STXBP5: variants seen among roughly 807,000 people sequenced by gnomAD.
The protein encoded by STXBP5 is syntaxin binding protein 5, also known as syntaxin-binding protein 5.
In STXBP5, 50 loss-of-function variants were observed where a neutral mutation model predicts 152.4. The ratio of observed to expected loss-of-function variants is 0.33; its 90% confidence interval spans 0.26 to 0.42. The LOEUF is 0.42. Among genes scored for constraint, STXBP5 ranks in the 10% least tolerant of loss-of-function variants. The pLI is 1.00. For synonymous variants in STXBP5, 492 were observed against 494.7 expected (o/e 0.99, Z 0.07); for missense variants, 1,167 against 1,388.6 (o/e 0.84, Z 2.54).
At chr6:147,333,684 G>A (rs1783693087) in intron 18 of STXBP5, among the ~76,000 whole-genome samples, 1 of 152,156 alleles carries the variant, frequency 6.6e-6, no homozygotes, top group Non-Finnish European at 1.5e-5. Flanking sequence ...GTGACTGTTG[G>A]AAATGTGACA....
At chr6:147,340,163 T>G (rs1170242948) in intron 21 of STXBP5, among the ~76,000 whole-genome samples, 1 of 152,034 alleles carries the variant, frequency 6.6e-6, no homozygotes, top group Non-Finnish European at 1.5e-5. Context: ...TCCCAAAACC[T>G]CTATCACATA....
intron 8 of STXBP5, among the ~76,000 whole-genome samples, chr6:147,281,304 C>T (rs113077731): frequency 5.3e-5 from 8 of 152,102 alleles, no homozygotes; most frequent in African/African-American, 1.2e-4. Flanking sequence ...GTGATCCACC[C>T]GCCTCAGCCT....
chr6:147,359,875 G>A (rs530579942), intron 23 of STXBP5, among the ~76,000 whole-genome samples: 1 of 151,860 alleles, frequency 6.6e-6, no homozygotes, highest in Non-Finnish European at 1.5e-5. Flanking sequence ...GGACATTTGG[G>A]TTGGTTCCAG....
At chr6:147,230,623 AACATTT>A (rs1490602087) in intron 2 of STXBP5, among the ~76,000 whole-genome samples, 1 of 151,770 alleles carries the variant, frequency 6.6e-6, no homozygotes, top group East Asian at 1.9e-4. Flanking sequence ...AGCAGGAAAT[AACATTT>A]ACATGTGAAA....
intron 21 of STXBP5, among the ~76,000 whole-genome samples, chr6:147,341,377 A>G (rs1430491762): frequency 1.3e-5 from 2 of 152,196 alleles, no homozygotes; most frequent in African/African-American, 4.8e-5. Flanking sequence ...CAAAAGTATT[A>G]GGACTTCTTG....
At chr6:147,338,016 C>T (rs1306267073) in intron 19 of STXBP5, among the ~76,000 whole-genome samples, 1 of 152,050 alleles carries the variant, frequency 6.6e-6, no homozygotes. Context: ...TATGTGGTGT[C>T]AAATTTTGAC....
Position 147,339,361 on chromosome 6 carries a change from C to T in STXBP5, c.2231C>T (p.Ser744Phe), listed in dbSNP as rs746603587. The T allele has an allele frequency of 1.3e-6, 2 of 1,498,552 alleles. No homozygotes were observed. Among genetic ancestry groups the T allele is most frequent in the African/African-American group, 1.4e-5 (1 of 69,328 alleles). 92.8% of individuals were successfully genotyped at this position (1,498,552 alleles called of 1,614,324 possible). Residue 744 changes from serine to phenylalanine, a missense_variant, in exon 21 of 28, where the codon TCC becomes TTC. This residue lies in a region of STXBP5 where 833 missense variants were observed against 986.3 expected (regional missense o/e 0.84). Coordinates refer to ENST00000321680, the MANE Select transcript of STXBP5 (RefSeq NM_001127715.4). Reference sequence around the variant, plus strand: ...GTGAAGACCAAAAGCAGAAAGTTTTCCAAGATGGTAGCCAATGATATAGGT... The same window carrying T: ...GTGAAGACCAAAAGCAGAAAGTTTTTCAAGATGGTAGCCAATGATATAGGT... ...EKVKTKSRKF[S>F]KMVANDIAKM...
At chr6:147,255,706 T>C (rs1779327032) in intron 4 of STXBP5, among the ~76,000 whole-genome samples, 1 of 152,090 alleles carries the variant, frequency 6.6e-6, no homozygotes, top group Admixed American at 6.5e-5. Context: ...AGAGACAAGT[T>C]CTCACTATAT....
At chr6:147,349,719 C>A (rs1784505129) in intron 21 of STXBP5, among the ~76,000 whole-genome samples, 1 of 152,022 alleles carries the variant, frequency 6.6e-6, no homozygotes. Context: ...AATGTGAGCT[C>A]CTGGGAGGCC....
At chr6:147,332,000 A>G (rs1299428568) in intron 18 of STXBP5, among the ~76,000 whole-genome samples, 1 of 152,226 alleles carries the variant, frequency 6.6e-6, no homozygotes, top group East Asian at 1.9e-4. Context: ...TTAAGCACTT[A>G]AAACATATCT....
At chr6:147,291,798 A>G (rs2128352875) in intron 9 of STXBP5, among the ~76,000 whole-genome samples, 1 of 152,286 alleles carries the variant, frequency 6.6e-6, no homozygotes, top group Non-Finnish European at 1.5e-5. Flanking sequence ...TTAACTTCTA[A>G]AAGAAACTCT....
At chr6:147,226,655 A>G (rs1359052857) in intron 2 of STXBP5, among the ~76,000 whole-genome samples, 1 of 152,230 alleles carries the variant, frequency 6.6e-6, no homozygotes, top group Non-Finnish European at 1.5e-5. Flanking sequence ...TTTCAAATGA[A>G]CTGATGTTTG....
intron 8 of STXBP5, among the ~76,000 whole-genome samples, chr6:147,279,784 C>T (rs1414293377): frequency 1.3e-5 from 2 of 152,088 alleles, no homozygotes; most frequent in African/African-American, 2.4e-5. Flanking sequence ...TAAAAATTCC[C>T]ATGAATCTTA....
chr6:147,228,329 ATTACT>A (rs541527864), intron 2 of STXBP5, among the ~76,000 whole-genome samples: 2 of 152,018 alleles, frequency 1.3e-5, no homozygotes, highest in Admixed American at 6.6e-5. Context: ...CTCTGGGGAC[ATTACT>A]TCACTGTTTC....
At chr6:147,217,234 A>G (rs1236433479) in intron 2 of STXBP5, among the ~76,000 whole-genome samples, 2 of 152,206 alleles carry the variant, frequency 1.3e-5, no homozygotes, top group Non-Finnish European at 2.9e-5. Context: ...AAAGTGTTGA[A>G]ACAGATTTTT....
chr6:147,255,475 T>C (rs914651721), intron 4 of STXBP5, among the ~76,000 whole-genome samples: 4 of 151,596 alleles, frequency 2.6e-5, no homozygotes, highest in Non-Finnish European at 5.9e-5. Context: ...AAAGGTCTAC[T>C]TCATGAAAGA....
At position 147,248,439 on chromosome 6, in the gene STXBP5, G is replaced by A. The variant is rs1778923269; in HGVS notation, c.431+9169G>A. Among the ~76,000 whole-genome samples, 3 of 152,218 alleles carry A rather than the reference G, an allele frequency of 2.0e-5. No individual in the cohort carries two copies. The South Asian group carries it at 6.2e-4, about 32-fold the overall frequency. On this transcript the variant is annotated intron_variant, in intron 4 of 27. Coordinates refer to ENST00000321680, the MANE Select transcript of STXBP5 (RefSeq NM_001127715.4). ...AGAGGTTTATATGAAAACATATGAT[G>A]AAATAATTGAGTTTTTTTTTAAAGA...
At chr6:147,359,600 TCCCTCCC>T (rs1046782825) in intron 23 of STXBP5, among the ~76,000 whole-genome samples, 1 of 107,338 alleles carries the variant, frequency 9.3e-6, no homozygotes, top group Non-Finnish European at 1.9e-5. Flanking sequence ...CCCAATGCTA[TCCCTCCC>T]CCCTCCCCCC....
At chr6:147,344,649 A>G (rs942199093) in intron 21 of STXBP5, among the ~76,000 whole-genome samples, 2 of 152,188 alleles carry the variant, frequency 1.3e-5, no homozygotes, top group Non-Finnish European at 2.9e-5. Context: ...TCTTCTTCTT[A>G]TAAGAACCAA....
Sources: gnomAD v4.1 joint callset for allele counts (sites outside exome capture counted in the v4.1 genomes callset) on GRCh38, gnomAD v4.1.1 for gene constraint, gnomAD v4.1.1 regional missense constraint, MANE v1.5 for transcripts, NCBI Gene and HGNC (gene_info 2026-07-23, HGNC 2026-07-21) for gene names.